CLCC1: variants seen among roughly 807,000 people sequenced by gnomAD.
CLCC1 encodes chloride channel CLIC-like protein 1.
In CLCC1, 39 loss-of-function variants were observed where a neutral mutation model predicts 63.3. The ratio of observed to expected loss-of-function variants is 0.62; its 90% confidence interval spans 0.48 to 0.81. The LOEUF (loss-of-function observed/expected upper bound fraction) is 0.81, where lower values mean the gene tolerates loss of function less well. Ranked by LOEUF, CLCC1 falls within the 30% of genes least tolerant of loss-of-function variation. The pLI, the probability that CLCC1 is intolerant of heterozygous loss-of-function variation, is 0.00. For missense variants in CLCC1, 549 were observed against 669.4 expected (o/e 0.82, Z 1.98); for synonymous variants, 217 against 239.8 (o/e 0.90, Z 0.88).
chr1:108,961,360 T>G (rs1344972728), intron 2 of CLCC1, among the ~76,000 whole-genome samples: 1 of 151,250 alleles, frequency 6.6e-6, no homozygotes, highest in Non-Finnish European at 1.5e-5. Context: ...AAGCTCCTGG[T>G]GATGCCGCAG....
chr1:108,935,479 T>G lies in CLCC1; in HGVS notation c.1384-537A>C, dbSNP rs375293893. 2.0e-5 allele frequency among the ~76,000 whole-genome samples: 3 copies of G among 152,070 alleles called. No individual in the cohort carries two copies. In the East Asian group the frequency reaches 5.8e-4, roughly 29 times the overall value. On this transcript the variant is annotated intron_variant, in intron 11 of 12. Coordinates refer to ENST00000369969, the MANE Select transcript of CLCC1 (RefSeq NM_001377458.1). ...TTTAAATTAGGGTGGTCTGAAAAAG[T>G]GATATGGTTAGGCATGGTGGCTCAC...
At chr1:108,947,034 G>A (rs1654625477) in intron 5 of CLCC1, among the ~76,000 whole-genome samples, 2 of 152,036 alleles carry the variant, frequency 1.3e-5, no homozygotes, top group South Asian at 2.1e-4. Flanking sequence ...CATGGTGGCA[G>A]GTGCCTGTAA....
In CLCC1 at chr1:108,963,399, G is replaced by T. The variant is rs1174843400; in HGVS notation, c.-211C>A. ...TGCCTGCCTCTCGAGGAAGACACCT[G>T]CCCAGGCCGGCCGCAGAAGAGGTCG... is the stretch of plus-strand genomic sequence containing the variant. On this transcript the variant is annotated 5_prime_UTR_variant, in exon 1 of 13. Coordinates refer to ENST00000369969, the MANE Select transcript of CLCC1 (RefSeq NM_001377458.1). The T allele has an allele frequency of 2.8e-6, 2 of 702,298 alleles. No individual in the cohort carries two copies. The highest frequency in any genetic ancestry group is 3.5e-5 in the African/African-American group (2 of 57,250). The allele number at this position is 702,298 out of a possible 1,614,324, so 43.5% of individuals were successfully genotyped here.
At chr1:108,934,499 TTTG>T (rs1382918003) in intron 12 of CLCC1, 123 bp downstream of exon 12, 3 of 692,302 alleles carry the variant, frequency 4.3e-6, no homozygotes, top group Non-Finnish European at 7.0e-6. Flanking sequence ...ATATAACGTG[TTTG>T]TTAATTCTAA....
At chr1:108,945,338 A>T (rs1407490953) in intron 5 of CLCC1, among the ~76,000 whole-genome samples, 1 of 152,194 alleles carries the variant, frequency 6.6e-6, no homozygotes, top group African/African-American at 2.4e-5. Context: ...AAAATAAAAA[A>T]AATCACCCCT....
chr1:108,943,531 C>A lies in CLCC1; in HGVS notation c.646G>T (p.Val216Phe). ...YVRWYTQLRR[V>F]LIISFLFSLG... is the part of the protein sequence containing the mutation. ...CTGAACAGAAAGCTGATGATTAAAACACGTCTCAACTGAGTGTACCAACGT... is the reference window on the plus strand; with the variant it reads ...CTGAACAGAAAGCTGATGATTAAAAAACGTCTCAACTGAGTGTACCAACGT... Residue 216 changes from valine to phenylalanine, a missense_variant, in exon 7 of 13, where the codon GTT becomes TTT. Coordinates refer to ENST00000369969, the MANE Select transcript of CLCC1 (RefSeq NM_001377458.1). The A allele has an allele frequency of 1.2e-6, 2 of 1,614,080 alleles. No individual in the cohort carries two copies. The highest frequency in any genetic ancestry group is 1.7e-6 in the Non-Finnish European group (2 of 1,179,974).
In CLCC1 at chr1:108,931,581, GT is replaced by G. The variant is rs1202535677; in HGVS notation, c.*965del. 3 of 1,311,590 alleles carry G rather than the reference GT, an allele frequency of 2.3e-6. No individual in the cohort carries two copies. In the Admixed American group the frequency reaches 9.1e-5, roughly 40 times the overall value. The allele number at this position is 1,311,590 out of a possible 1,614,324, so 81.2% of individuals were successfully genotyped here. A position where few individuals can be genotyped will look rare whatever the true frequency, so the allele number is the denominator to read the frequency against. On this transcript the variant is annotated 3_prime_UTR_variant, in exon 13 of 13. Coordinates refer to ENST00000369969, the MANE Select transcript of CLCC1 (RefSeq NM_001377458.1). ...TAGAACTATTTCTCTAATGGCCAATGTTTTTTAAGAGTCATAACCTGGAATT... is the reference window on the plus strand; with the variant it reads ...TAGAACTATTTCTCTAATGGCCAATGTTTTTAAGAGTCATAACCTGGAATT...
Position 108,930,075 on chromosome 1 carries a change from A to G in CLCC1, c.*2472T>C. 1 of 833,708 alleles carries G rather than the reference A, an allele frequency of 1.2e-6. No homozygotes were observed. Among genetic ancestry groups the G allele is most frequent in the South Asian group, 1.7e-5 (1 of 58,322 alleles). The allele number at this position is 833,708 out of a possible 1,614,324, so 51.6% of individuals were successfully genotyped here. ...AGAATGATGTAAATAGTTAACCTTC[A>G]GTAGTCTATTAAGGCATTAATACTT... On this transcript the variant is annotated 3_prime_UTR_variant, in exon 13 of 13. Coordinates refer to ENST00000369969, the MANE Select transcript of CLCC1 (RefSeq NM_001377458.1).
rs1651584558 is a variant in CLCC1 at position 108,929,769 on chromosome 1, T to A, written c.*2778A>T. ...CCACAAAGGGTCCGACAGTACCAGATGAAGACTTTTTCAGCCTTATTTTAC... is the reference window on the plus strand; with the variant it reads ...CCACAAAGGGTCCGACAGTACCAGAAGAAGACTTTTTCAGCCTTATTTTAC... On this transcript the variant is annotated 3_prime_UTR_variant, in exon 13 of 13. Transcript: ENST00000369969. The A allele has an allele frequency of 6.2e-7, 1 of 1,613,646 alleles. No homozygotes were observed. The highest frequency in any genetic ancestry group is 8.5e-7 in the Non-Finnish European group (1 of 1,179,642).
intron 5 of CLCC1, among the ~76,000 whole-genome samples, chr1:108,944,678 G>A (rs1654304205): frequency 6.6e-6 from 1 of 151,554 alleles, no homozygotes; most frequent in Non-Finnish European, 1.5e-5. Flanking sequence ...CGCCCAGGCT[G>A]GAGTGCAGTG....
At chr1:108,936,558 G>T (rs1479842042) in intron 11 of CLCC1, among the ~76,000 whole-genome samples, 1 of 152,192 alleles carries the variant, frequency 6.6e-6, no homozygotes, top group East Asian at 1.9e-4. Context: ...AAACAGAAAT[G>T]GAAATGTCCC....
chr1:108,940,158 G>C lies in CLCC1; in HGVS notation c.797-16C>G. The C allele has an allele frequency of 6.7e-7, 1 of 1,484,776 alleles. No homozygotes were observed. The highest frequency in any genetic ancestry group is 9.3e-7 in the Non-Finnish European group (1 of 1,070,818). The allele number at this position is 1,484,776 out of a possible 1,614,324, so 92.0% of individuals were successfully genotyped here. A position where few individuals can be genotyped will look rare whatever the true frequency, so the allele number is the denominator to read the frequency against. ...CTAAACCATTCTGTTTAGAGAAACA[G>C]ACAAAACACTGATCATTTCTTTTAA... On this transcript the variant is annotated splice_polypyrimidine_tract_variant and intron_variant, in intron 8 of 12. Coordinates refer to ENST00000369969, the MANE Select transcript of CLCC1 (RefSeq NM_001377458.1).
chr1:108,948,521 T>C (rs746028924), intron 4 of CLCC1, among the ~76,000 whole-genome samples: 1 of 152,094 alleles, frequency 6.6e-6, no homozygotes, highest in Non-Finnish European at 1.5e-5. Context: ...ATGACAATAA[T>C]TGAGCAGCAC....
intron 2 of CLCC1, among the ~76,000 whole-genome samples, chr1:108,959,151 GCAA>G (rs1470598431): frequency 6.6e-6 from 1 of 152,142 alleles, no homozygotes; most frequent in Non-Finnish European, 1.5e-5. Context: ...TCCAGCTTGG[GCAA>G]CAACAGTGAA....
rs766903445 is a variant in CLCC1, at chr1:108,934,719, C to A, written c.1607G>T (p.Gly536Val). Residue 536 changes from glycine to valine, a missense_variant, in exon 12 of 13, where the codon GGT (glycine) becomes GTT (valine). Physicochemically the swap from Gly to Val is moderately radical, Grantham distance 109. Coordinates refer to ENST00000369969, the MANE Select transcript of CLCC1 (RefSeq NM_001377458.1). ...ATCCTGTCCACGTGGTCCAGCCACA[C>A]CTCTTGCGGGGCTGTATGTGCTGCC... ...DQGSTYSPAR[G>V]VAGPRGQDPV... The A allele has an allele frequency of 3.6e-5, 58 of 1,613,988 alleles. No individual in the cohort carries two copies. The highest frequency in any genetic ancestry group is 4.7e-5 in the Non-Finnish European group (56 of 1,180,048).
rs1651778163 is a variant in CLCC1, at chr1:108,930,581, C to T, written c.*1966G>A. The T allele has an allele frequency of 6.7e-6, 1 of 150,242 alleles. No homozygotes were observed. Among genetic ancestry groups the T allele is most frequent in the African/African-American group, 2.5e-5 (1 of 40,340 alleles). 9.3% of individuals were successfully genotyped at this position (150,242 alleles called of 1,614,324 possible). A position where few individuals can be genotyped will look rare whatever the true frequency, so the allele number is the denominator to read the frequency against. On this transcript the variant is annotated 3_prime_UTR_variant, in exon 13 of 13. Coordinates refer to ENST00000369969, the MANE Select transcript of CLCC1 (RefSeq NM_001377458.1). ...AAGACCAACCTGGGCAACATAGACC[C>T]CCGTGTCTATGAAAAATAAATCAGC...
chr1:108,960,073 G>T (rs1178111603), intron 2 of CLCC1, among the ~76,000 whole-genome samples: 2 of 152,146 alleles, frequency 1.3e-5, no homozygotes, highest in Non-Finnish European at 2.9e-5. Context: ...GGTTGAAGCT[G>T]CACTGAGCCG....
Position 108,940,052 on chromosome 1 carries a change from G to A in CLCC1, c.887C>T (p.Pro296Leu), listed in dbSNP as rs1379027410. The A allele has an allele frequency of 3.7e-6, 6 of 1,609,340 alleles. No individual in the cohort carries two copies. The highest frequency in any genetic ancestry group is 4.2e-6 in the Non-Finnish European group (5 of 1,176,754). Reference protein sequence around the residue: ...LLVNPIWLVPPTKALAVTFTT... With the variant: ...LLVNPIWLVPLTKALAVTFTT... The stretch of plus-strand genomic sequence containing the variant: ...ACAAAATATATGCTATACCTTTGTT[G>A]GTGGGACCAACCAAATAGGGTTGAC... Residue 296 changes from proline (P) to leucine (L), a missense_variant, in exon 9 of 13, where the codon CCA becomes CTA. By Grantham distance (98) the Pro-to-Leu change is moderately conservative. Transcript: ENST00000369969.
At chr1:108,944,227 T>C (rs1045592928) in intron 5 of CLCC1, among the ~76,000 whole-genome samples, 170 bp from the exon 6 acceptor site, 1 of 152,204 alleles carries the variant, frequency 6.6e-6, no homozygotes, top group Non-Finnish European at 1.5e-5. Flanking sequence ...CCTAGTGCTT[T>C]GACAGGCCAA....
Sources: gnomAD v4.1 joint callset for allele counts (sites outside exome capture counted in the v4.1 genomes callset) on GRCh38, gnomAD v4.1.1 for gene constraint, MANE v1.5 for transcripts, NCBI Gene and HGNC (gene_info 2026-07-23, HGNC 2026-07-21) for gene names.